The following BIN3 variants were observed in gnomAD, a reference collection of about 807,000 sequenced individuals.
BIN3 encodes the protein bridging integrator 3.
Under a neutral mutation model 38.2 loss-of-function variants are expected in BIN3, and 41 were observed. The ratio of observed to expected loss-of-function variants is 1.07; its 90% CI spans 0.84 to 1.39. The LOEUF (loss-of-function observed/expected upper bound fraction) is 1.39. Among genes scored for constraint, BIN3 ranks in the 40% most tolerant of loss-of-function variants. The pLI, the probability that BIN3 is intolerant of heterozygous loss-of-function variation, is 0.00. For synonymous variants in BIN3, 145 were observed against 122.6 expected (o/e 1.18, Z -1.21); for missense variants, 361 against 324.3 (o/e 1.11, Z -0.87).
intron 4 of BIN3, among the ~76,000 whole-genome samples, chr8:22,635,283 T>C (rs1416204453): frequency 6.6e-6 from 1 of 152,190 alleles, no homozygotes; most frequent in Non-Finnish European, 1.5e-5. Flanking sequence ...CCGATCCGCT[T>C]GTGGACCTCT....
At chr8:22,667,549 TG>T (rs902444002) in intron 1 of BIN3, among the ~76,000 whole-genome samples, 2 of 152,186 alleles carry the variant, frequency 1.3e-5, no homozygotes, top group African/African-American at 4.8e-5. Context: ...ATTGCAAGAC[TG>T]GGGGGCCCAG....
chr8:22,650,813 T>C (rs1563974816), intron 1 of BIN3, among the ~76,000 whole-genome samples: 1 of 152,234 alleles, frequency 6.6e-6, no homozygotes, highest in Non-Finnish European at 1.5e-5. Context: ...GATTTAAAAT[T>C]AAACAAACAA....
At chr8:22,648,647 T>C (rs552645539) in intron 1 of BIN3, among the ~76,000 whole-genome samples, 104 of 152,300 alleles carry the variant, frequency 6.8e-4, no homozygotes, top group Admixed American at 2.3e-3. Flanking sequence ...GTCATCTTTC[T>C]CAGCTTCCTA....
intron 2 of BIN3, among the ~76,000 whole-genome samples, chr8:22,639,954 C>T (rs528403563): frequency 1.3e-5 from 2 of 152,144 alleles, no homozygotes; most frequent in African/African-American, 2.4e-5. Flanking sequence ...CTCCGCCTCC[C>T]GGGTTCAAGC....
At chr8:22,645,538 A>AGGG (rs764874797) in intron 1 of BIN3, among the ~76,000 whole-genome samples, 2 of 149,800 alleles carry the variant, frequency 1.3e-5, no homozygotes, top group Non-Finnish European at 3.0e-5. Flanking sequence ...AGGGGGAGGA[A>AGGG]AGGAAAGGAA....
chr8:22,649,319 T>G (rs903390809), intron 1 of BIN3, among the ~76,000 whole-genome samples: 1 of 152,238 alleles, frequency 6.6e-6, no homozygotes, highest in Admixed American at 6.5e-5. Flanking sequence ...AAAGACTTAT[T>G]TGGCATTTAA....
At chr8:22,629,481 T>A (rs934382197) in intron 6 of BIN3, among the ~76,000 whole-genome samples, 1 of 152,156 alleles carries the variant, frequency 6.6e-6, no homozygotes, top group Non-Finnish European at 1.5e-5. Context: ...TAGAGGACCT[T>A]CCCGGGCCAG....
At chr8:22,627,745 T>C (rs900267) in intron 6 of BIN3, among the ~76,000 whole-genome samples, 62,056 of 152,184 alleles carry the variant, frequency 0.41, 13,016 homozygotes, top group South Asian at 0.5. Flanking sequence ...CAGTTTGGCT[T>C]TCTCTTTCCA....
intron 5 of BIN3, 72 bp downstream of exon 5, chr8:22,630,370 C>G (rs1240863783): frequency 3.8e-6 from 6 of 1,588,146 alleles, no homozygotes; most frequent in Non-Finnish European, 5.1e-6. Flanking sequence ...TCGGGCCTCC[C>G]CGCACAGTCC....
chr8:22,666,504 G>A (rs1803424871), intron 1 of BIN3, among the ~76,000 whole-genome samples: 1 of 152,136 alleles, frequency 6.6e-6, no homozygotes, highest in Non-Finnish European at 1.5e-5. Context: ...AATATCAAAT[G>A]CCTTCTTCCT....
chr8:22,629,087 C>A (rs1467532966), intron 6 of BIN3, among the ~76,000 whole-genome samples: 1 of 152,222 alleles, frequency 6.6e-6, no homozygotes, highest in Non-Finnish European at 1.5e-5. Context: ...TCCCATACTT[C>A]AGGCCTGCAC....
chr8:22,642,718 G>A (rs1440147994), intron 2 of BIN3, among the ~76,000 whole-genome samples: 2 of 152,184 alleles, frequency 1.3e-5, no homozygotes, highest in Admixed American at 6.5e-5. Flanking sequence ...ACGAGAAAAT[G>A]AAGGCTCCAG....
chr8:22,669,032 G>A lies in BIN3; in HGVS notation c.8+12C>T. ...CGGGTCCAGCAGCTCCCGCCGCCTG[G>A]GCCTCACTCACCAGCTCATGGTCCC... is the stretch of plus-strand genomic sequence containing the variant. On this transcript the variant is annotated intron_variant, in intron 1 of 8. Coordinates refer to ENST00000276416, the MANE Select transcript of BIN3 (RefSeq NM_018688.6). 2 of 1,583,012 alleles carry A rather than the reference G, an allele frequency of 1.3e-6. No individual in the cohort carries two copies. Among genetic ancestry groups the A allele is most frequent in the Admixed American group, 1.8e-5 (1 of 55,832 alleles).
intron 1 of BIN3, among the ~76,000 whole-genome samples, chr8:22,662,687 T>G (rs746855562): frequency 1.3e-5 from 2 of 152,202 alleles, no homozygotes; most frequent in Admixed American, 6.5e-5. Flanking sequence ...TTGAGGTCTT[T>G]GCAGAACATC....
rs963122480 is a variant in BIN3, at chr8:22,621,254, C to CTA, written c.*166_*167dup. On this transcript the variant is annotated 3_prime_UTR_variant, in exon 9 of 9. Coordinates refer to ENST00000276416, the MANE Select transcript of BIN3 (RefSeq NM_018688.6). ...TGTGAGTGGGGAGACGGCGGCCTGC[C>CTA]TAGGGCTCCTGGTGCCAGGCTCAGG... The CTA allele has an allele frequency of 1.4e-4, 125 of 916,942 alleles. No homozygotes were observed. The highest frequency in any genetic ancestry group is 7.9e-4 in the South Asian group (46 of 57,928). The allele number at this position is 916,942 out of a possible 1,614,324, so 56.8% of individuals were successfully genotyped here. A position where few individuals can be genotyped will look rare whatever the true frequency, so the allele number is the denominator to read the frequency against.
chr8:22,661,699 AT>A (rs1803242234), intron 1 of BIN3, among the ~76,000 whole-genome samples: 1 of 152,040 alleles, frequency 6.6e-6, no homozygotes, highest in Admixed American at 6.6e-5. Flanking sequence ...TGAATGTATC[AT>A]TCTGAAGCTA....
chr8:22,633,437 G>T (rs1022726648), intron 4 of BIN3, among the ~76,000 whole-genome samples: 1 of 152,234 alleles, frequency 6.6e-6, no homozygotes, highest in African/African-American at 2.4e-5. Flanking sequence ...CAGGAGGCTG[G>T]TGATCTTTGA....
At chr8:22,645,280 T>C (rs1441219149) in intron 1 of BIN3, among the ~76,000 whole-genome samples, 2 of 149,576 alleles carry the variant, frequency 1.3e-5, no homozygotes, top group Non-Finnish European at 3.0e-5. Context: ...GACTGGGCAA[T>C]ATAGCAAGAT....
chr8:22,630,040 G>A lies in BIN3; in HGVS notation c.298-36C>T, dbSNP rs750103909. 4 of 1,583,586 alleles carry A rather than the reference G, an allele frequency of 2.5e-6. No individual in the cohort carries two copies. In the Admixed American group the frequency reaches 5.2e-5, roughly 21 times the overall value. The stretch of plus-strand genomic sequence containing the variant: ...AAAACCCAAAGACATTAAAACTGGT[G>A]GGGAGGGGAGGGCGACACGCAAGGC... On this transcript the variant is annotated intron_variant, in intron 5 of 8. Coordinates refer to ENST00000276416, the MANE Select transcript of BIN3 (RefSeq NM_018688.6).
Sources: gnomAD v4.1 joint callset for allele counts (sites outside exome capture counted in the v4.1 genomes callset) on GRCh38, gnomAD v4.1.1 for gene constraint, MANE v1.5 for transcripts, NCBI Gene and HGNC (gene_info 2026-07-23, HGNC 2026-07-21) for gene names.